Variants in SAMD5 observed in about 807,000 individuals in gnomAD.
SAMD5 encodes sterile alpha motif domain containing 5.
In SAMD5, 13 loss-of-function variants were observed where a neutral mutation model predicts 11.3. The observed-to-expected ratio is 1.15, with a 90% CI of 0.75 to 1.83. The LOEUF is 1.83. SAMD5 is among the 40% of genes most tolerant of loss of function. SAMD5 has a pLI of 0.00. For synonymous variants in SAMD5, 129 were observed against 111.3 expected (o/e 1.16, Z -1.00); for missense variants, 255 against 239.1 (o/e 1.07, Z -0.44).
the SAMD5 span, among the ~76,000 whole-genome samples, chr6:147,879,458 G>C: frequency 6.6e-6 from 1 of 152,134 alleles, no homozygotes; most frequent in Non-Finnish European, 1.5e-5. Context: ...GACCTGCCAG[G>C]CTGCATTTGC....
chr6:147,841,683 G>T, the SAMD5 span, among the ~76,000 whole-genome samples: 1 of 152,126 alleles, frequency 6.6e-6, no homozygotes, highest in Non-Finnish European at 1.5e-5. Context: ...CTCTTTGTTG[G>T]AAAATCACAG....
chr6:147,860,398 T>C, the SAMD5 span, among the ~76,000 whole-genome samples: 1 of 152,212 alleles, frequency 6.6e-6, no homozygotes, highest in African/African-American at 2.4e-5. Context: ...GACTTTGACA[T>C]ATCTTTTCTA....
rs146520842 is a variant in SAMD5 at position 147,592,825 on chromosome 6, G to C, written c.162+83438G>C. Among the ~76,000 whole-genome samples, 479 of 152,228 alleles carry C rather than the reference G, an allele frequency of 3.1e-3. 4 individuals are homozygous for C. The highest frequency in any genetic ancestry group is 0.011 in the African/African-American group (439 of 41,544). ...CGACATGGAGTAGGATTTATAGATG[G>C]TTAGCACAGCTATTACCAACATTCT... is the stretch of plus-strand genomic sequence containing the variant. On this transcript the variant is annotated intron_variant, in intron 1 of 1. Coordinates refer to the SAMD5 transcript ENST00000566741.
At chr6:147,746,343 C>T in the SAMD5 span, among the ~76,000 whole-genome samples, 2 of 152,142 alleles carry the variant, frequency 1.3e-5, no homozygotes, top group African/African-American at 4.8e-5. Context: ...GGGATGGCTG[C>T]GAATGAGTAC....
intron 1 of SAMD5, among the ~76,000 whole-genome samples, chr6:147,685,716 C>CT (rs1010191170): frequency 3.3e-4 from 50 of 151,932 alleles, no homozygotes; most frequent in African/African-American, 9.6e-4. Context: ...TTTCTCTCTT[C>CT]TTTTTTTTGA....
At chr6:147,536,361 T>A (rs975517049) in intron 1 of SAMD5, among the ~76,000 whole-genome samples, 4 of 152,214 alleles carry the variant, frequency 2.6e-5, no homozygotes, top group Non-Finnish European at 4.4e-5. Flanking sequence ...GTTTTTAAAT[T>A]CTGGAGAAAT....
At chr6:147,616,531 T>G (rs1789876295) in intron 1 of SAMD5, among the ~76,000 whole-genome samples, 1 of 152,068 alleles carries the variant, frequency 6.6e-6, no homozygotes, top group African/African-American at 2.4e-5. Flanking sequence ...ATATGATACT[T>G]TCAGAATATT....
chr6:147,664,472 C>T (rs1790688983), intron 1 of SAMD5, among the ~76,000 whole-genome samples: 1 of 152,088 alleles, frequency 6.6e-6, no homozygotes, highest in South Asian at 2.1e-4. Flanking sequence ...CTCAGTGATA[C>T]CCAAGGCTGT....
intron 1 of SAMD5, among the ~76,000 whole-genome samples, chr6:147,648,341 C>T (rs567178085): frequency 6.6e-6 from 1 of 152,282 alleles, no homozygotes; most frequent in African/African-American, 2.4e-5. Flanking sequence ...CTCGTGAGAA[C>T]TCACTCATTA....
At chr6:147,740,277 G>A (rs1338803688), downstream of SAMD5, among the ~76,000 whole-genome samples, 1 of 152,126 alleles carries the variant, frequency 6.6e-6, no homozygotes, top group African/African-American at 2.4e-5. Context: ...AGGAACAATA[G>A]GATGGTTCTC....
chr6:147,860,735 G>A, the SAMD5 span, among the ~76,000 whole-genome samples: 3 of 152,122 alleles, frequency 2.0e-5, no homozygotes, highest in Non-Finnish European at 4.4e-5. Context: ...AGAATTAAGA[G>A]GATGACAAGA....
intron 1 of SAMD5, among the ~76,000 whole-genome samples, chr6:147,563,199 G>T (rs780567681): frequency 2.0e-5 from 3 of 152,192 alleles, no homozygotes; most frequent in Non-Finnish European, 4.4e-5. Flanking sequence ...AATTAATAAT[G>T]ACATATTAGC....
chr6:147,929,528 C>T, the SAMD5 span, among the ~76,000 whole-genome samples: 3 of 152,004 alleles, frequency 2.0e-5, no homozygotes, highest in African/African-American at 7.3e-5. Context: ...AAAAACCAAA[C>T]TAAAACTTAC....
Position 147,566,050 on chromosome 6 carries a change from A to C in SAMD5, c.*1594A>C. 1 of 984,848 alleles carries C rather than the reference A, an allele frequency of 1.0e-6. No individual in the cohort carries two copies. The highest frequency in any genetic ancestry group is 1.2e-6 in the Non-Finnish European group (1 of 829,390). The allele number at this position is 984,848 out of a possible 1,614,324, so 61.0% of individuals were successfully genotyped here. A position where few individuals can be genotyped will look rare whatever the true frequency, so the allele number is the denominator to read the frequency against. On this transcript the variant is annotated 3_prime_UTR_variant, in exon 2 of 2. Coordinates refer to ENST00000367474, the MANE Select transcript of SAMD5 (RefSeq NM_001030060.3). ...TCCATTTTGGTTCCTAAGAATAGAT[A>C]GGCCATTAAGAAGGATATTAGGTTT...
chr6:147,856,651 A>G, the SAMD5 span, among the ~76,000 whole-genome samples: 2 of 152,204 alleles, frequency 1.3e-5, no homozygotes, highest in African/African-American at 4.8e-5. Flanking sequence ...CTGCATGATC[A>G]ACAGACACTG....
chr6:147,953,294 T>G, the SAMD5 span: 6 of 148,220 alleles, frequency 4.0e-5, no homozygotes, highest in African/African-American at 9.8e-5. Context: ...CTCATTTTGG[T>G]TTTTTTTTTT....
the SAMD5 span, among the ~76,000 whole-genome samples, chr6:147,831,051 G>A: frequency 1.5e-3 from 222 of 152,336 alleles, no homozygotes; most frequent in African/African-American, 4.9e-3. Flanking sequence ...AGAGGTTCCT[G>A]TAGAAATGTA....
chr6:147,682,599 G>A (rs539070539), intron 1 of SAMD5, among the ~76,000 whole-genome samples: 18 of 152,160 alleles, frequency 1.2e-4, no homozygotes, highest in African/African-American at 3.4e-4. Context: ...AAGCCAAGCC[G>A]TGCAACTTTC....
intron 1 of SAMD5, among the ~76,000 whole-genome samples, chr6:147,549,871 G>T (rs1788741865): frequency 6.6e-6 from 1 of 151,670 alleles, no homozygotes; most frequent in East Asian, 1.9e-4. Flanking sequence ...ACTTAGACTG[G>T]AAGTTATTGT....
Sources: gnomAD v4.1 joint callset for allele counts (sites outside exome capture counted in the v4.1 genomes callset) on GRCh38, gnomAD v4.1.1 for gene constraint, MANE v1.5 for transcripts, NCBI Gene and HGNC (gene_info 2026-07-23, HGNC 2026-07-21) for gene names.